Variants in CHL1 observed in about 807,000 individuals in gnomAD.
The protein encoded by CHL1 is cell adhesion molecule L1 like, also known as neural cell adhesion molecule L1-like protein.
A neutral mutation model predicts 141.9 loss-of-function variants in CHL1; 96 were observed. The observed-to-expected ratio is 0.68, with a 90% CI of 0.57 to 0.80. CHL1 has a LOEUF of 0.80. Among genes scored for constraint, CHL1 ranks in the 30% least tolerant of loss-of-function variants. The pLI, the probability that CHL1 is intolerant of heterozygous loss-of-function variation, is 0.00. For missense variants in CHL1, 1,820 were observed against 1,457.2 expected (o/e 1.25, Z -4.05); for synonymous variants, 613 against 502.2 (o/e 1.22, Z -2.95).
At chr3:301,898 C>G (rs1225994102) in intron 2 of CHL1, among the ~76,000 whole-genome samples, 2 of 152,176 alleles carry the variant, frequency 1.3e-5, no homozygotes, top group African/African-American at 4.8e-5. Context: ...TATCCCTCCC[C>G]AGCACCGCAC....
At chr3:320,736 C>A (rs1372029691) in intron 3 of CHL1, among the ~76,000 whole-genome samples, 1 of 151,946 alleles carries the variant, frequency 6.6e-6, no homozygotes, top group African/African-American at 2.4e-5. Context: ...GCAAACAGAA[C>A]ATATGTAATA....
rs993655912 is a variant in CHL1, at chr3:248,946, C to T, written c.-95+4254C>T. 6.6e-5 allele frequency among the ~76,000 whole-genome samples: 10 copies of T among 152,268 alleles called. 1 individual carries two copies. Among genetic ancestry groups the T allele is most frequent in the African/African-American group, 2.4e-4 (10 of 41,574 alleles). On this transcript the variant is annotated intron_variant, in intron 2 of 27. Transcript: ENST00000256509. Reference sequence around the variant, plus strand: ...ATGTCCATGAAAATATGTAGCACAGCTAAACAAATAACTCAGAGCAAAATC... The same window carrying T: ...ATGTCCATGAAAATATGTAGCACAGTTAAACAAATAACTCAGAGCAAAATC...
At chr3:396,615 GTAAC>G (rs886762891) in intron 24 of CHL1, among the ~76,000 whole-genome samples, 1 of 152,138 alleles carries the variant, frequency 6.6e-6, no homozygotes, top group African/African-American at 2.4e-5. Flanking sequence ...AACTAAAAAT[GTAAC>G]TAATGTGCTG....
intron 2 of CHL1, among the ~76,000 whole-genome samples, chr3:291,601 C>T (rs1416783899): frequency 2.0e-5 from 3 of 152,046 alleles, no homozygotes; most frequent in African/African-American, 7.2e-5. Context: ...TTCATATAAG[C>T]AGGCAAGTAA....
intron 15 of CHL1, among the ~76,000 whole-genome samples, chr3:371,239 A>G (rs890947009): frequency 2.6e-5 from 4 of 152,132 alleles, no homozygotes; most frequent in Non-Finnish European, 4.4e-5. Flanking sequence ...TGGGAGTCTC[A>G]GTGTCTTTGT....
intron 5 of CHL1, among the ~76,000 whole-genome samples, chr3:333,527 CCAAA>C (rs1244625054): frequency 1.3e-5 from 2 of 151,674 alleles, no homozygotes; most frequent in Non-Finnish European, 2.9e-5. Flanking sequence ...ACAACAAGAA[CCAAA>C]CAAACAGAAT....
At position 401,619 on chromosome 3, in the gene CHL1, T is replaced by G; in HGVS notation, c.3386-7T>G. 1 of 1,563,388 alleles carries G rather than the reference T, an allele frequency of 6.4e-7. No individual in the cohort carries two copies. Among genetic ancestry groups the G allele is most frequent in the Non-Finnish European group, 8.7e-7 (1 of 1,144,094 alleles). On this transcript the variant is annotated splice_polypyrimidine_tract_variant and splice_region_variant and intron_variant, in intron 26 of 27. Coordinates refer to ENST00000256509, the MANE Select transcript of CHL1 (RefSeq NM_006614.4). ...ATTACTTTTCCCACTTTTTTTCTCT[T>G]TTTTAGTTAAAGAAAAGGAAGATTT...
At chr3:225,822 ACT>A (rs1701278145) in intron 1 of CHL1, among the ~76,000 whole-genome samples, 1 of 152,006 alleles carries the variant, frequency 6.6e-6, no homozygotes, top group African/African-American at 2.4e-5. Context: ...ATCCTGGCTA[ACT>A]CTGTGAAAAC....
chr3:312,468 C>T (rs574287738), intron 2 of CHL1, among the ~76,000 whole-genome samples: 2 of 152,172 alleles, frequency 1.3e-5, no homozygotes, highest in African/African-American at 4.8e-5. Flanking sequence ...ATGGTATTAG[C>T]CAGGCAGGTG....
rs113675909 is a variant in CHL1 at position 237,610 on chromosome 3, G to C, written c.-174-7003G>C. ...CAGGCCTTGAGGTTACACACATTAG[G>C]TTCGTATCTTGGTGTTGACATTTAT... is the stretch of plus-strand genomic sequence containing the variant. On this transcript the variant is annotated intron_variant, in intron 1 of 27. Coordinates refer to ENST00000256509, the MANE Select transcript of CHL1 (RefSeq NM_006614.4). Among the ~76,000 whole-genome samples the C allele has an allele frequency of 5.5e-3, 834 of 152,294 alleles. 10 individuals are homozygous for C. Among genetic ancestry groups the C allele is most frequent in the South Asian group, 0.028 (136 of 4,820 alleles).
At chr3:236,637 T>C (rs955137556) in intron 1 of CHL1, among the ~76,000 whole-genome samples, 7 of 152,216 alleles carry the variant, frequency 4.6e-5, no homozygotes, top group Non-Finnish European at 8.8e-5. Context: ...GAGGATTTCC[T>C]GTCTTCCAAG....
chr3:296,800 T>A (rs1021242219), intron 2 of CHL1, among the ~76,000 whole-genome samples: 4 of 152,214 alleles, frequency 2.6e-5, no homozygotes, highest in Admixed American at 2.0e-4. Flanking sequence ...TAGACTTGAA[T>A]CAGAGGAGAA....
At chr3:306,352 T>C (rs938144066) in intron 2 of CHL1, among the ~76,000 whole-genome samples, 4 of 152,176 alleles carry the variant, frequency 2.6e-5, no homozygotes, top group Non-Finnish European at 5.9e-5. Context: ...AGTGAGAAGA[T>C]TAAAATTTCT....
At chr3:226,911 A>G (rs1701407721) in intron 1 of CHL1, among the ~76,000 whole-genome samples, 1 of 152,212 alleles carries the variant, frequency 6.6e-6, no homozygotes, top group Non-Finnish European at 1.5e-5. Flanking sequence ...AGAAGGGCAT[A>G]TTATTCCTTG....
rs535337038 is a variant in CHL1, at chr3:232,430, G to T, written c.-174-12183G>T. Among the ~76,000 whole-genome samples the T allele has an allele frequency of 2.6e-5, 4 of 152,146 alleles. No homozygotes were observed. The South Asian group carries it at 6.2e-4, about 24-fold the overall frequency. On this transcript the variant is annotated intron_variant, in intron 1 of 27. Transcript: ENST00000256509. ...GTAAATTAGAAGTTTAATAATTAAG[G>T]TAACATTTAGATCCTGTCAATAACT...
chr3:203,724 A>G (rs1699159754), intron 1 of CHL1, among the ~76,000 whole-genome samples: 3 of 152,232 alleles, frequency 2.0e-5, no homozygotes, highest in Non-Finnish European at 4.4e-5. Flanking sequence ...AACTACTGTC[A>G]AATCACAAGA....
intron 1 of CHL1, among the ~76,000 whole-genome samples, chr3:234,602 G>A (rs186573053): frequency 1.6e-4 from 24 of 152,174 alleles, no homozygotes; most frequent in African/African-American, 4.8e-4. Flanking sequence ...GGACTCTGAA[G>A]CCCCCATGCT....
At chr3:306,383 G>C (rs536673307) in intron 2 of CHL1, among the ~76,000 whole-genome samples, 1 of 152,210 alleles carries the variant, frequency 6.6e-6, no homozygotes, top group East Asian at 1.9e-4. Context: ...CCAAAGCACT[G>C]ATACATCTAT....
At chr3:266,676 C>A (rs556751123) in intron 2 of CHL1, among the ~76,000 whole-genome samples, 8 of 152,254 alleles carry the variant, frequency 5.3e-5, no homozygotes, top group Admixed American at 5.2e-4. Context: ...ACTTGCATTT[C>A]ATTTTGAGCA....
Sources: gnomAD v4.1 joint callset for allele counts (sites outside exome capture counted in the v4.1 genomes callset) on GRCh38, gnomAD v4.1.1 for gene constraint, MANE v1.5 for transcripts, NCBI Gene and HGNC (gene_info 2026-07-23, HGNC 2026-07-21) for gene names.